EPM2A: variants seen among roughly 807,000 people sequenced by gnomAD.
EPM2A encodes EPM2A glucan phosphatase, laforin.
In EPM2A, 21 loss-of-function variants were observed where a neutral mutation model predicts 26.5. The ratio of observed to expected loss-of-function variants is 0.79; its 90% CI spans 0.56 to 1.14. The LOEUF is 1.14. Ranked by LOEUF, EPM2A falls within the 50% of genes most tolerant of loss-of-function variation. EPM2A has a pLI of 0.00. For missense variants in EPM2A, 458 were observed against 440.8 expected (o/e 1.04, Z -0.35); for synonymous variants, 217 against 177.6 (o/e 1.22, Z -1.76).
At chr6:145,496,891 C>A (rs1291637861), downstream of EPM2A, among the ~76,000 whole-genome samples, 7 of 152,004 alleles carry the variant, frequency 4.6e-5, no homozygotes, top group East Asian at 1.2e-3. Flanking sequence ...GCGCCCGCCA[C>A]CGCGCCCGGC....
At chr6:145,716,134 G>C (rs938544123) in intron 1 of EPM2A, among the ~76,000 whole-genome samples, 5 of 152,078 alleles carry the variant, frequency 3.3e-5, no homozygotes, top group African/African-American at 7.2e-5. Flanking sequence ...CATAATACTT[G>C]GCAGACAGCA....
At chr6:145,463,610 T>C (rs997397215) in intron 4 of EPM2A, among the ~76,000 whole-genome samples, 1 of 152,146 alleles carries the variant, frequency 6.6e-6, no homozygotes, top group Non-Finnish European at 1.5e-5. Flanking sequence ...TATACATGAC[T>C]GGTATATATA....
chr6:145,668,163 A>AT (rs1195405536), intron 2 of EPM2A, among the ~76,000 whole-genome samples: 4 of 120,006 alleles, frequency 3.3e-5, no homozygotes, highest in African/African-American at 7.9e-5. Flanking sequence ...TTAAAGTATA[A>AT]TAAAAAAAAA....
intron 4 of EPM2A, chr6:145,490,006 G>T: frequency 7.4e-7 from 1 of 1,357,320 alleles, no homozygotes; most frequent in Non-Finnish European, 1.0e-6. Context: ...GATCTGGATG[G>T]ACGTGTTCCA....
chr6:145,608,567 C>A (rs1020147149), intron 2 of EPM2A, among the ~76,000 whole-genome samples: 1 of 151,814 alleles, frequency 6.6e-6, no homozygotes. Context: ...CCTATTTCAT[C>A]CTTAGTCAAT....
At chr6:145,703,924 T>C (rs1055590486) in intron 1 of EPM2A, among the ~76,000 whole-genome samples, 2 of 152,214 alleles carry the variant, frequency 1.3e-5, no homozygotes, top group Admixed American at 6.5e-5. Context: ...CTTCTGATGA[T>C]AGGATAAAAT....
chr6:145,575,245 A>T (rs1018726676), intron 2 of EPM2A, among the ~76,000 whole-genome samples: 1 of 152,168 alleles, frequency 6.6e-6, no homozygotes, highest in African/African-American at 2.4e-5. Context: ...CTGGCAAAAA[A>T]GGTAAATCAG....
intron 4 of EPM2A, among the ~76,000 whole-genome samples, chr6:145,474,120 T>C (rs1023521470): frequency 6.6e-6 from 1 of 152,184 alleles, no homozygotes; most frequent in Non-Finnish European, 1.5e-5. Flanking sequence ...TTTTTCAAGA[T>C]ATAGTTAGTA....
At chr6:145,709,477 T>A (rs1036456470) in intron 1 of EPM2A, among the ~76,000 whole-genome samples, 1 of 152,216 alleles carries the variant, frequency 6.6e-6, no homozygotes, top group African/African-American at 2.4e-5. Flanking sequence ...GCACACACTC[T>A]CTGGCCCGCC....
intron 4 of EPM2A, among the ~76,000 whole-genome samples, chr6:145,387,554 T>G (rs1465860929): frequency 6.6e-6 from 1 of 152,100 alleles, no homozygotes; most frequent in Non-Finnish European, 1.5e-5. Flanking sequence ...GAACCCGATG[T>G]CTTGGTTCTT....
At chr6:145,404,495 A>C (rs1307456897) in intron 4 of EPM2A, among the ~76,000 whole-genome samples, 1 of 152,090 alleles carries the variant, frequency 6.6e-6, no homozygotes, top group East Asian at 1.9e-4. Context: ...ATACCCTGAA[A>C]AATTCAAATT....
intron 2 of EPM2A, among the ~76,000 whole-genome samples, chr6:145,591,884 A>C (rs948419698): frequency 6.6e-6 from 1 of 151,956 alleles, no homozygotes; most frequent in Non-Finnish European, 1.5e-5. Flanking sequence ...AAAAAGGTAA[A>C]ATTAATATTA....
chr6:145,543,065 C>T (rs539413033), intron 2 of EPM2A, among the ~76,000 whole-genome samples: 1 of 152,224 alleles, frequency 6.6e-6, no homozygotes, highest in South Asian at 2.1e-4. Context: ...TGCACACAGC[C>T]AGCTTCCTTT....
rs555171487 is a variant in EPM2A, at chr6:145,588,574, A to T, written c.340+46671T>A. Among the ~76,000 whole-genome samples, 5 of 152,322 alleles carry T rather than the reference A, an allele frequency of 3.3e-5. 1 individual carries two copies. The South Asian group carries it at 1.0e-3, about 32-fold the overall frequency. ...GAAAAAATCACATTAATCAGCACTC[A>T]TTGTTCTATGTTGTTTTTTCCTTTG... is the stretch of plus-strand genomic sequence containing the variant. On this transcript the variant is annotated intron_variant, in intron 2 of 3. Coordinates refer to the EPM2A transcript ENST00000450221.
In EPM2A at chr6:145,618,788, C is replaced by T. The variant is rs145553351; in HGVS notation, c.340+16457G>A. On this transcript the variant is annotated intron_variant, in intron 2 of 3. Transcript: ENST00000450221. ...GTGAGAACAGACTAATACAATGTCA[C>T]GTTAAGGATTTTTTACTTTTTTCTG... 3.4e-4 allele frequency among the ~76,000 whole-genome samples: 51 copies of T among 152,194 alleles called. No individual in the cohort carries two copies. The East Asian group carries it at 6.9e-3, about 21-fold the overall frequency.
chr6:145,635,304 A>T lies in EPM2A; in HGVS notation c.659T>A (p.Leu220Gln). The part of the protein sequence containing the change: ...EPMTPDTMIK[L>Q]YREEGLAYIW... ...GTAGGCCAAGCCTTCTTCCCTATAT[A>T]GTTTAATCATAGTGTCTGGAGTCAT... Residue 220 changes from leucine (L) to glutamine (Q), a missense_variant, in exon 3 of 4, where the codon CTA (leucine) becomes CAA (glutamine). Leu to Gln is a moderately radical substitution (Grantham distance 113). Transcript: ENST00000367519. 1 of 1,614,114 alleles carries T rather than the reference A, an allele frequency of 6.2e-7. No homozygotes were observed. The highest frequency in any genetic ancestry group is 8.5e-7 in the Non-Finnish European group (1 of 1,179,994).
chr6:145,735,993 T>G (rs1776856918), upstream of EPM2A: 1 of 152,024 alleles, frequency 6.6e-6, no homozygotes, highest in Admixed American at 6.6e-5. Flanking sequence ...CCAAGTCACT[T>G]ACTCTAGCAG....
chr6:145,672,618 C>T (rs559861370), intron 2 of EPM2A, among the ~76,000 whole-genome samples: 1 of 152,352 alleles, frequency 6.6e-6, no homozygotes, highest in Admixed American at 6.5e-5. Context: ...GGGAAACTTT[C>T]CCTCCCCAGT....
intron 4 of EPM2A, among the ~76,000 whole-genome samples, chr6:145,451,361 C>A (rs1779193634): frequency 6.6e-6 from 1 of 152,104 alleles, no homozygotes; most frequent in South Asian, 2.1e-4. Flanking sequence ...GTAAAAAAAT[C>A]CATTGTAGGT....
Sources: gnomAD v4.1 joint callset for allele counts (sites outside exome capture counted in the v4.1 genomes callset) on GRCh38, gnomAD v4.1.1 for gene constraint, MANE v1.5 for transcripts, NCBI Gene and HGNC (gene_info 2026-07-23, HGNC 2026-07-21) for gene names.